Variants in BMPER observed in about 807,000 individuals in gnomAD.
The protein encoded by BMPER is BMP-binding endothelial regulator protein.
BMPER carries 45 observed loss-of-function variants against 87.3 expected under a neutral mutation model. That is an observed-to-expected ratio of 0.52 (90% CI 0.41 to 0.66). BMPER has a LOEUF of 0.66. Ranked by LOEUF, BMPER falls within the 30% of genes least tolerant of loss-of-function variation. The probability of loss-of-function intolerance (pLI) is 0.00; values close to 1 mark genes in which losing one functional copy is unlikely to be tolerated. For missense variants in BMPER, 784 were observed against 867.5 expected (o/e 0.90, Z 1.21); for synonymous variants, 326 against 316.2 (o/e 1.03, Z -0.33).
chr7:33,938,765 C>T (rs540409195), intron 3 of BMPER, among the ~76,000 whole-genome samples: 18 of 152,202 alleles, frequency 1.2e-4, no homozygotes, highest in Admixed American at 2.6e-4. Flanking sequence ...GTGGCTCACA[C>T]CTGTAATCCC....
intron 13 of BMPER, among the ~76,000 whole-genome samples, chr7:34,100,854 CAG>C (rs1789662582): frequency 6.6e-6 from 1 of 152,288 alleles, no homozygotes; most frequent in South Asian, 2.1e-4. Context: ...CGTATACACA[CAG>C]AGACACACAT....
At chr7:33,981,406 C>A (rs1785855567) in intron 6 of BMPER, among the ~76,000 whole-genome samples, 1 of 152,190 alleles carries the variant, frequency 6.6e-6, no homozygotes, top group Non-Finnish European at 1.5e-5. Context: ...TCCAGCACTG[C>A]AAAGCCCAGA....
At chr7:34,028,080 C>A (rs989503103) in intron 6 of BMPER, among the ~76,000 whole-genome samples, 1 of 152,142 alleles carries the variant, frequency 6.6e-6, no homozygotes, top group South Asian at 2.1e-4. Context: ...AGAGTACCCA[C>A]AATTATACAA....
intron 6 of BMPER, among the ~76,000 whole-genome samples, chr7:34,029,361 G>A (rs974282552): frequency 3.9e-5 from 6 of 152,148 alleles, no homozygotes; most frequent in African/African-American, 1.4e-4. Flanking sequence ...GGCTAGAGAT[G>A]GGAGTGAAAT....
At chr7:34,108,615 CT>C (rs545066971) in intron 13 of BMPER, among the ~76,000 whole-genome samples, 7 of 152,174 alleles carry the variant, frequency 4.6e-5, no homozygotes, top group Non-Finnish European at 8.8e-5. Flanking sequence ...TCCCTGTAAA[CT>C]TTAGCATGGA....
At chr7:34,151,050 G>A (rs1180584729) in intron 14 of BMPER, among the ~76,000 whole-genome samples, 1 of 152,162 alleles carries the variant, frequency 6.6e-6, no homozygotes, top group Non-Finnish European at 1.5e-5. Flanking sequence ...GGGGTGAATG[G>A]TGGTGACATT....
chr7:34,031,348 C>T (rs187817055), intron 6 of BMPER, among the ~76,000 whole-genome samples: 1 of 152,112 alleles, frequency 6.6e-6, no homozygotes, highest in East Asian at 1.9e-4. Context: ...CAAACAAACC[C>T]CTCCTTAGGA....
chr7:34,143,337 G>T lies in BMPER; in HGVS notation c.1853G>T (p.Trp618Leu). The T allele has an allele frequency of 6.2e-7, 1 of 1,613,984 alleles. No homozygotes were observed. The highest frequency in any genetic ancestry group is 8.5e-7 in the Non-Finnish European group (1 of 1,179,930). Residue 618 changes from tryptophan to leucine, a missense_variant, in exon 14 of 15, where the codon TGG becomes TTG. Trp to Leu is a moderately conservative substitution (Grantham distance 61). Coordinates refer to ENST00000649409, the MANE Select transcript of BMPER (RefSeq NM_001365308.1). ...ACQREGIKVH[W>L]EPQQNCAATQ... ...CAGAGAGAGGGCATCAAAGTCCACT[G>T]GGAGCCTCAGCAGAATTGTGCAGGT... is the stretch of plus-strand genomic sequence containing the variant.
chr7:34,093,555 G>A (rs1463314204), intron 13 of BMPER, among the ~76,000 whole-genome samples: 2 of 152,200 alleles, frequency 1.3e-5, no homozygotes, highest in African/African-American at 4.8e-5. Context: ...TCTCTTTGTG[G>A]CCAAAGGCAG....
At chr7:33,926,505 C>T (rs1039536159) in intron 2 of BMPER, among the ~76,000 whole-genome samples, 8 of 152,184 alleles carry the variant, frequency 5.3e-5, no homozygotes, top group African/African-American at 1.7e-4. Flanking sequence ...TGGCCACTCT[C>T]GTTTCTTTAT....
At chr7:33,940,718 A>C (rs1033062606) in intron 3 of BMPER, among the ~76,000 whole-genome samples, 20 of 151,894 alleles carry the variant, frequency 1.3e-4, no homozygotes, top group South Asian at 4.1e-4. Flanking sequence ...TTGCTCAATG[A>C]GAGTGATTTA....
intron 6 of BMPER, among the ~76,000 whole-genome samples, chr7:33,999,035 A>T (rs1786503761): frequency 6.6e-6 from 1 of 152,180 alleles, no homozygotes. Context: ...GAGCCCCTGA[A>T]CCTAAAGTTG....
chr7:34,073,945 G>A (rs1459882026), intron 11 of BMPER, among the ~76,000 whole-genome samples: 1 of 152,232 alleles, frequency 6.6e-6, no homozygotes, highest in East Asian at 1.9e-4. Flanking sequence ...GCCATTGCAG[G>A]GCCCAGGTGA....
chr7:34,109,109 T>C (rs79660239), intron 13 of BMPER, among the ~76,000 whole-genome samples: 6,514 of 152,312 alleles, frequency 0.043, 290 homozygotes, highest in African/African-American at 0.11. Context: ...CCAGGAGGGC[T>C]GATGGTATAA....
intron 6 of BMPER, among the ~76,000 whole-genome samples, chr7:34,027,087 A>C (rs1562696835): frequency 6.6e-6 from 1 of 152,038 alleles, no homozygotes; most frequent in Non-Finnish European, 1.5e-5. Context: ...TGGTCTGCTT[A>C]TCATGGTTAT....
intron 13 of BMPER, among the ~76,000 whole-genome samples, chr7:34,124,571 GA>G (rs1208428000): frequency 6.6e-6 from 1 of 151,186 alleles, no homozygotes; most frequent in Non-Finnish European, 1.5e-5. Context: ...TGATTTTTTT[GA>G]AGTTTCTCAA....
rs556842499 is a variant in BMPER at position 34,110,062 on chromosome 7, T to A, written c.1745+23970T>A. 3.3e-5 allele frequency among the ~76,000 whole-genome samples: 5 copies of A among 152,258 alleles called. No homozygotes were observed. In the East Asian group the frequency reaches 9.7e-4, roughly 29 times the overall value. On this transcript the variant is annotated intron_variant, in intron 13 of 14. Coordinates refer to ENST00000649409, the MANE Select transcript of BMPER (RefSeq NM_001365308.1). ...TTTTCAAATGAAGTCATGCTCCTGATGAGATTTTGAAGCAGCGACCTGAAT... is the reference window on the plus strand; with the variant it reads ...TTTTCAAATGAAGTCATGCTCCTGAAGAGATTTTGAAGCAGCGACCTGAAT...
chr7:34,031,965 T>G (rs2127951541), intron 6 of BMPER, among the ~76,000 whole-genome samples: 1 of 135,250 alleles, frequency 7.4e-6, no homozygotes, highest in African/African-American at 2.8e-5. Flanking sequence ...CACACACATA[T>G]ATATAAATAT....
At chr7:34,000,913 T>C (rs939290202) in intron 6 of BMPER, among the ~76,000 whole-genome samples, 3 of 152,080 alleles carry the variant, frequency 2.0e-5, no homozygotes, top group Admixed American at 2.0e-4. Flanking sequence ...TGCTGGATTT[T>C]GTTAAATGCA....
Sources: gnomAD v4.1 joint callset for allele counts (sites outside exome capture counted in the v4.1 genomes callset) on GRCh38, gnomAD v4.1.1 for gene constraint, MANE v1.5 for transcripts, NCBI Gene and HGNC (gene_info 2026-07-23, HGNC 2026-07-21) for gene names.